The following XPR1 variants were observed in gnomAD, a reference collection of about 807,000 sequenced individuals.
XPR1 encodes the protein xenotropic and polytropic retrovirus receptor 1.
A neutral mutation model predicts 87.5 loss-of-function variants in XPR1; 28 were observed. The observed-to-expected ratio is 0.32, with a 90% CI of 0.24 to 0.44. The LOEUF (loss-of-function observed/expected upper bound fraction) is 0.44, where lower values mean the gene tolerates loss of function less well. Ranked by LOEUF, XPR1 falls within the 20% of genes least tolerant of loss-of-function variation. The probability of loss-of-function intolerance (pLI) is 1.00; values close to 1 mark genes in which losing one functional copy is unlikely to be tolerated. For missense variants in XPR1, 559 were observed against 862.3 expected (o/e 0.65, Z 4.41); for synonymous variants, 300 against 306.1 (o/e 0.98, Z 0.21).
At chr1:180,642,973 A>T (rs1655005443) in intron 1 of XPR1, among the ~76,000 whole-genome samples, 1 of 152,204 alleles carries the variant, frequency 6.6e-6, no homozygotes, top group African/African-American at 2.4e-5. Context: ...GTATCCAAAC[A>T]TAGTTAATGC....
chr1:180,731,910 A>G (rs1658567957), intron 2 of XPR1, among the ~76,000 whole-genome samples: 1 of 152,110 alleles, frequency 6.6e-6, no homozygotes. Context: ...ATGCCTTTCT[A>G]GGCTGGGCGT....
At chr1:180,719,156 A>AGG (rs1658095712) in intron 2 of XPR1, among the ~76,000 whole-genome samples, 1 of 152,358 alleles carries the variant, frequency 6.6e-6, no homozygotes, top group African/African-American at 2.4e-5. Context: ...GGGATATATA[A>AGG]ATACCAAGGA....
intron 2 of XPR1, among the ~76,000 whole-genome samples, chr1:180,778,717 AAAAAAAATC>A: frequency 6.6e-6 from 1 of 152,060 alleles, no homozygotes; most frequent in Non-Finnish European, 1.5e-5. Flanking sequence ...CTACTACCTT[AAAAAAAATC>A]AGTTTGATCG....
At position 180,730,759 on chromosome 1, in the gene XPR1, C is replaced by A. The variant is rs534280180; in HGVS notation, c.121+48348C>A. Among the ~76,000 whole-genome samples, 10 of 152,210 alleles carry A rather than the reference C, an allele frequency of 6.6e-5. No individual in the cohort carries two copies. The South Asian group carries it at 2.1e-3, about 32-fold the overall frequency. ...GCTCACAGCAGCCTTGACATCCATG[C>A]TCAAGTGATCCTCCCCCCTCAGCCT... is the stretch of plus-strand genomic sequence containing the variant. On this transcript the variant is annotated intron_variant, in intron 2 of 14. Transcript: ENST00000367590.
chr1:180,750,643 C>G (rs1325185633), intron 2 of XPR1, among the ~76,000 whole-genome samples: 1 of 152,064 alleles, frequency 6.6e-6, no homozygotes, highest in African/African-American at 2.4e-5. Context: ...GTCTTCATTA[C>G]TGTAGCTTTA....
intron 2 of XPR1, among the ~76,000 whole-genome samples, chr1:180,712,729 C>G (rs998490198): frequency 3.9e-5 from 6 of 152,102 alleles, no homozygotes; most frequent in Admixed American, 2.6e-4. Context: ...TCGCTTGAAC[C>G]TGGGAGGCGG....
In XPR1 at chr1:180,839,876, A is replaced by T. The variant is rs140858523; in HGVS notation, c.1501+3160A>T. Among the ~76,000 whole-genome samples, 444 of 152,310 alleles carry T rather than the reference A, an allele frequency of 2.9e-3. 3 individuals are homozygous for T. Among genetic ancestry groups the T allele is most frequent in the African/African-American group, 9.7e-3 (401 of 41,554 alleles). ...AAAGGATTATTTAGTAAGGTTTGTT[A>T]TGCATACCAAAGTTGGTGTCTTCTC... On this transcript the variant is annotated intron_variant, in intron 11 of 14. Coordinates refer to ENST00000367590, the MANE Select transcript of XPR1 (RefSeq NM_004736.4).
Position 180,836,671 on chromosome 1 carries a change from A to G in XPR1, c.1456A>G (p.Thr486Ala), listed in dbSNP as rs1325303379. 4 of 1,614,076 alleles carry G rather than the reference A, an allele frequency of 2.5e-6. No individual in the cohort carries two copies. The highest frequency in any genetic ancestry group is 3.4e-6 in the Non-Finnish European group (4 of 1,180,024). The change falls in exon 11 of 15, where the codon ACT becomes GCT. Residue 486 changes from threonine (T) to alanine (A), a missense_variant. Thr to Ala is a moderately conservative substitution (Grantham distance 58, BLOSUM62 0). Coordinates refer to ENST00000367590, the MANE Select transcript of XPR1 (RefSeq NM_004736.4). Reference sequence around the variant, plus strand: ...AGTTAATGCTGGCAAATACTCCACAACTTTCTTCATGGTGACGTTTGCAGC... The same window carrying G: ...AGTTAATGCTGGCAAATACTCCACAGCTTTCTTCATGGTGACGTTTGCAGC... ...HLVNAGKYST[T>A]FFMVTFAALY...
At chr1:180,789,005 G>A (rs1186137960) in intron 3 of XPR1, among the ~76,000 whole-genome samples, 1 of 152,106 alleles carries the variant, frequency 6.6e-6, no homozygotes, top group Non-Finnish European at 1.5e-5. Flanking sequence ...ACTAGAGGCT[G>A]ATCATTCTCT....
chr1:180,708,292 G>C (rs1047985509), intron 2 of XPR1, among the ~76,000 whole-genome samples: 3 of 152,144 alleles, frequency 2.0e-5, no homozygotes, highest in Non-Finnish European at 4.4e-5. Flanking sequence ...TGCATCTAAA[G>C]AAGTATGTTC....
chr1:180,764,356 A>G (rs575473771), intron 2 of XPR1, among the ~76,000 whole-genome samples: 2 of 152,260 alleles, frequency 1.3e-5, no homozygotes, highest in Non-Finnish European at 2.9e-5. Context: ...ATATTCCAAA[A>G]TCCAAAAAAA....
At chr1:180,689,245 T>A (rs141027650) in intron 2 of XPR1, among the ~76,000 whole-genome samples, 17 of 152,300 alleles carry the variant, frequency 1.1e-4, no homozygotes, top group African/African-American at 4.1e-4. Context: ...AATGCTCTAT[T>A]TGACAACAAA....
At chr1:180,840,930 C>T (rs557151556) in intron 11 of XPR1, among the ~76,000 whole-genome samples, 1 of 152,088 alleles carries the variant, frequency 6.6e-6, no homozygotes, top group South Asian at 2.1e-4. Flanking sequence ...TTTTATGTAA[C>T]ATGCCGTGCT....
intron 11 of XPR1, among the ~76,000 whole-genome samples, chr1:180,846,816 A>G (rs1174261136): frequency 1.3e-5 from 2 of 152,032 alleles, no homozygotes; most frequent in Non-Finnish European, 1.5e-5. Context: ...CAGAGTGAAG[A>G]AACTTTTCGT....
chr1:180,667,193 A>G (rs934443252), intron 1 of XPR1, among the ~76,000 whole-genome samples: 1 of 152,228 alleles, frequency 6.6e-6, no homozygotes, highest in Non-Finnish European at 1.5e-5. Context: ...GATTACAGGC[A>G]TGAGCCACTG....
chr1:180,827,565 G>A (rs1164534394), intron 9 of XPR1, among the ~76,000 whole-genome samples: 1 of 152,090 alleles, frequency 6.6e-6, no homozygotes, highest in African/African-American at 2.4e-5. Context: ...GTTGACAATG[G>A]TATAAGCAGT....
intron 2 of XPR1, among the ~76,000 whole-genome samples, chr1:180,762,366 A>C (rs553593728): frequency 6.6e-6 from 1 of 152,318 alleles, no homozygotes; most frequent in South Asian, 2.1e-4. Context: ...TAAACTGTTG[A>C]AGTTCTGTGG....
In XPR1 at chr1:180,885,760, A is replaced by C. The variant is rs1652988778; in HGVS notation, c.*1694A>C. On this transcript the variant is annotated 3_prime_UTR_variant, in exon 15 of 15. Transcript: ENST00000367590. Reference sequence around the variant, plus strand: ...GGCAGCTATTACCATTCGCTTAGTCAAAACATTCGGTTACTGCCCTTTAAT... The same window carrying C: ...GGCAGCTATTACCATTCGCTTAGTCCAAACATTCGGTTACTGCCCTTTAAT... The C allele has an allele frequency of 6.6e-6, 1 of 152,238 alleles. No individual in the cohort carries two copies. Among genetic ancestry groups the C allele is most frequent in the Non-Finnish European group, 1.5e-5 (1 of 68,038 alleles). 9.4% of individuals were successfully genotyped at this position (152,238 alleles called of 1,614,324 possible). A position where few individuals can be genotyped will look rare whatever the true frequency, so the allele number is the denominator to read the frequency against.
chr1:180,709,865 T>C (rs1657702483), intron 2 of XPR1, among the ~76,000 whole-genome samples: 1 of 151,890 alleles, frequency 6.6e-6, no homozygotes, highest in South Asian at 2.1e-4. Flanking sequence ...GGGTTGTTTT[T>C]CTCCTATTCT....
Sources: gnomAD v4.1 joint callset for allele counts (sites outside exome capture counted in the v4.1 genomes callset) on GRCh38, gnomAD v4.1.1 for gene constraint, MANE v1.5 for transcripts, NCBI Gene and HGNC (gene_info 2026-07-23, HGNC 2026-07-21) for gene names.